Variants in SYT16 observed in about 807,000 individuals in gnomAD.
SYT16 encodes synaptotagmin 16.
In SYT16, 42 loss-of-function variants were observed where a neutral mutation model predicts 61.4. The ratio of observed to expected loss-of-function variants is 0.68; its 90% CI spans 0.53 to 0.89. SYT16 has a LOEUF of 0.89. SYT16 is among the 40% of genes least tolerant of loss of function. The pLI, the probability that SYT16 is intolerant of heterozygous loss-of-function variation, is 0.00. For missense variants in SYT16, 804 were observed against 807.3 expected, an observed-to-expected ratio of 1.00 and a Z score of 0.05; for synonymous variants, 314 against 302.3, an observed-to-expected ratio of 1.04 and a Z score of -0.40.
At chr14:61,953,965 C>T (rs1458435074) in intron 1 of SYT16, among the ~76,000 whole-genome samples, 2 of 152,162 alleles carry the variant, frequency 1.3e-5, no homozygotes, top group African/African-American at 4.8e-5. Context: ...TAGAATGTTT[C>T]AAACTTCTGC....
chr14:61,920,795 A>G (rs1339785153), intron 1 of SYT16, among the ~76,000 whole-genome samples: 2 of 152,236 alleles, frequency 1.3e-5, no homozygotes, highest in African/African-American at 4.8e-5. Context: ...TAATCTTTAT[A>G]ACACCGTCGT....
intron 1 of SYT16, among the ~76,000 whole-genome samples, chr14:61,840,891 G>A (rs1179826830): frequency 6.6e-6 from 1 of 152,196 alleles, no homozygotes; most frequent in Non-Finnish European, 1.5e-5. Context: ...TAGAAGAGAA[G>A]ACTTGAGTAT....
chr14:62,070,303 C>G (rs999425580), intron 4 of SYT16, among the ~76,000 whole-genome samples: 2 of 152,130 alleles, frequency 1.3e-5, no homozygotes, highest in African/African-American at 4.8e-5. Flanking sequence ...GTATTTTTAT[C>G]TTTCAAATAA....
chr14:61,842,860 G>A (rs1479263502), intron 1 of SYT16, among the ~76,000 whole-genome samples: 1 of 151,900 alleles, frequency 6.6e-6, no homozygotes, highest in East Asian at 1.9e-4. Flanking sequence ...CACCAACATG[G>A]CACATGTATA....
chr14:61,914,737 G>C lies in SYT16; in HGVS notation c.-324-55395G>C, dbSNP rs75320205. On this transcript the variant is annotated intron_variant, in intron 1 of 7. Coordinates refer to ENST00000683842, the MANE Select transcript of SYT16 (RefSeq NM_001367656.1). ...TATCCACATCCATTGCTTTTACCCA[G>C]TTATAAGCCACCATTATCCTTCTCT... Among the ~76,000 whole-genome samples, 650 of 152,322 alleles carry C rather than the reference G, an allele frequency of 4.3e-3. 26 individuals are homozygous for C. The East Asian group carries it at 0.067, about 16-fold the overall frequency.
intron 2 of SYT16, among the ~76,000 whole-genome samples, chr14:61,981,318 C>T (rs1017702671): frequency 2.0e-5 from 3 of 152,176 alleles, no homozygotes; most frequent in Non-Finnish European, 4.4e-5. Context: ...ATGGCTTAGC[C>T]ACACTGATGC....
intron 2 of SYT16, among the ~76,000 whole-genome samples, chr14:61,995,168 G>A (rs745644364): frequency 1.3e-5 from 2 of 152,050 alleles, no homozygotes; most frequent in Non-Finnish European, 2.9e-5. Context: ...TTGATATCCT[G>A]GAGCTGCTTC....
chr14:62,039,228 G>A (rs1249920608), intron 3 of SYT16, among the ~76,000 whole-genome samples: 1 of 152,210 alleles, frequency 6.6e-6, no homozygotes, highest in East Asian at 1.9e-4. Flanking sequence ...CCATCTTGGG[G>A]TTGTGGAGAC....
intron 1 of SYT16, among the ~76,000 whole-genome samples, chr14:61,943,369 C>T (rs2050286460): frequency 6.6e-6 from 1 of 152,234 alleles, no homozygotes; most frequent in African/African-American, 2.4e-5. Flanking sequence ...GGACTCCTCT[C>T]TAACTCATTT....
At chr14:62,093,631 T>C (rs1012343550) in intron 7 of SYT16, among the ~76,000 whole-genome samples, 1 of 152,100 alleles carries the variant, frequency 6.6e-6, no homozygotes, top group African/African-American at 2.4e-5. Flanking sequence ...AATCTGCTAG[T>C]GTAATTTACC....
intron 7 of SYT16, among the ~76,000 whole-genome samples, chr14:62,099,276 A>G (rs1566848490): frequency 6.6e-6 from 1 of 152,184 alleles, no homozygotes; most frequent in Admixed American, 6.5e-5. Flanking sequence ...AAGGTGAGAA[A>G]TGCTGGCACC....
At chr14:62,068,761 A>AACAC (rs71449578) in intron 3 of SYT16, among the ~76,000 whole-genome samples, 33 of 150,992 alleles carry the variant, frequency 2.2e-4, no homozygotes, top group Admixed American at 4.6e-4. Context: ...AATGAGTTAA[A>AACAC]ACACACACAC....
At chr14:62,043,301 T>C (rs1369315865) in intron 3 of SYT16, among the ~76,000 whole-genome samples, 4 of 152,098 alleles carry the variant, frequency 2.6e-5, no homozygotes, top group Admixed American at 1.3e-4. Flanking sequence ...TCGACTGTGA[T>C]GCTTGATAGA....
intron 1 of SYT16, among the ~76,000 whole-genome samples, chr14:61,830,457 C>G (rs546717702): frequency 1.3e-5 from 2 of 152,284 alleles, no homozygotes; most frequent in South Asian, 2.1e-4. Context: ...CTGATCTGCT[C>G]TATATAGAGT....
At chr14:61,986,424 T>C (rs1271349408) in intron 2 of SYT16, among the ~76,000 whole-genome samples, 2 of 150,012 alleles carry the variant, frequency 1.3e-5, no homozygotes, top group Non-Finnish European at 3.0e-5. Context: ...CAGGTACTTT[T>C]TTATTTTTTA....
intron 1 of SYT16, among the ~76,000 whole-genome samples, chr14:61,955,527 A>C (rs1045351351): frequency 1.3e-5 from 2 of 151,942 alleles, no homozygotes; most frequent in African/African-American, 4.8e-5. Context: ...CGTATATGAG[A>C]TCATGTGGTA....
chr14:61,971,274 C>T (rs997309487), intron 2 of SYT16, among the ~76,000 whole-genome samples: 1 of 152,204 alleles, frequency 6.6e-6, no homozygotes, highest in Non-Finnish European at 1.5e-5. Flanking sequence ...AATTCATTAT[C>T]TAACAGTTCT....
At chr14:62,042,701 C>T (rs2054784654) in intron 3 of SYT16, among the ~76,000 whole-genome samples, 1 of 152,190 alleles carries the variant, frequency 6.6e-6, no homozygotes, top group African/African-American at 2.4e-5. Context: ...TACTGTATAT[C>T]TCTGGAGTTC....
intron 1 of SYT16, among the ~76,000 whole-genome samples, chr14:61,854,506 G>C (rs1053960407): frequency 2.0e-5 from 3 of 152,214 alleles, no homozygotes; most frequent in African/African-American, 7.2e-5. Context: ...GAAATAGTAA[G>C]TGGATTGGCT....
Sources: gnomAD v4.1 joint callset for allele counts (sites outside exome capture counted in the v4.1 genomes callset) on GRCh38, gnomAD v4.1.1 for gene constraint, MANE v1.5 for transcripts, NCBI Gene and HGNC (gene_info 2026-07-23, HGNC 2026-07-21) for gene names.